Variants in LRRC4C observed in about 807,000 individuals in gnomAD.
LRRC4C encodes leucine rich repeat containing 4C.
LRRC4C carries 5 observed loss-of-function variants against 33.6 expected under a neutral mutation model. The observed-to-expected ratio is 0.15, with a 90% CI of 0.08 to 0.31. LRRC4C has a LOEUF of 0.31. Among genes scored for constraint, LRRC4C ranks in the 10% least tolerant of loss-of-function variants. The pLI is 1.00. For missense variants in LRRC4C, 560 were observed against 796.7 expected, an observed-to-expected ratio of 0.70 and a Z score of 3.58; for synonymous variants, 329 against 302.0, an observed-to-expected ratio of 1.09 and a Z score of -0.93.
At chr11:41,336,354 G>A (rs1951452579) in intron 1 of LRRC4C, among the ~76,000 whole-genome samples, 1 of 150,212 alleles carries the variant, frequency 6.7e-6, no homozygotes, top group Non-Finnish European at 1.5e-5. Flanking sequence ...ACACATAATT[G>A]TTTAAAAAAA....
intron 5 of LRRC4C, among the ~76,000 whole-genome samples, chr11:40,143,267 C>A (rs1383856913): frequency 1.3e-5 from 2 of 152,200 alleles, no homozygotes; most frequent in African/African-American, 2.4e-5. Context: ...TCTAATTTCT[C>A]CACATAGTGG....
At chr11:41,170,939 T>C (rs1446998647) in intron 1 of LRRC4C, among the ~76,000 whole-genome samples, 1 of 151,874 alleles carries the variant, frequency 6.6e-6, no homozygotes, top group Non-Finnish European at 1.5e-5. Context: ...AAAAAGTGGG[T>C]GAAGGATATG....
chr11:41,336,972 A>G (rs899006253), intron 1 of LRRC4C, among the ~76,000 whole-genome samples: 6 of 152,224 alleles, frequency 3.9e-5, no homozygotes, highest in Non-Finnish European at 8.8e-5. Context: ...AGGAGAAAAA[A>G]ATGACTATTC....
chr11:40,339,557 G>A (rs1278609206), intron 3 of LRRC4C, among the ~76,000 whole-genome samples: 1 of 152,176 alleles, frequency 6.6e-6, no homozygotes, highest in Non-Finnish European at 1.5e-5. Context: ...GCAGTACTTT[G>A]CATAAAGCTG....
Position 40,786,567 on chromosome 11 carries a change from T to C in LRRC4C, c.-406-138289A>G, listed in dbSNP as rs112215287. Among the ~76,000 whole-genome samples the C allele has an allele frequency of 1.8e-3, 275 of 152,284 alleles. 2 individuals carry two copies. The highest frequency in any genetic ancestry group is 6.5e-3 in the African/African-American group (272 of 41,564). On this transcript the variant is annotated intron_variant, in intron 2 of 6. Coordinates refer to ENST00000528697, the MANE Select transcript of LRRC4C (RefSeq NM_001258419.2). ...CCTCTGAGAGTTTTTTGATTGTTTG[T>C]TACACAGCAAAAGCTGATCGCTACT...
At chr11:40,937,951 C>T (rs1438954957) in intron 1 of LRRC4C, among the ~76,000 whole-genome samples, 1 of 152,038 alleles carries the variant, frequency 6.6e-6, no homozygotes, top group African/African-American at 2.4e-5. Flanking sequence ...GCTCCTGCAC[C>T]CAGCCTGCTC....
intron 3 of LRRC4C, among the ~76,000 whole-genome samples, chr11:40,480,303 C>T (rs1482134046): frequency 2.0e-5 from 3 of 150,756 alleles, no homozygotes; most frequent in African/African-American, 2.4e-5. Context: ...TTTTTTTAAT[C>T]TACTTTGAGC....
At chr11:41,360,344 T>TATG (rs1952310499) in intron 1 of LRRC4C, among the ~76,000 whole-genome samples, 1 of 152,040 alleles carries the variant, frequency 6.6e-6, no homozygotes, top group Admixed American at 6.5e-5. Flanking sequence ...TACCTACATC[T>TATG]ATGATTTATC....
At chr11:40,553,911 G>A (rs1370856800) in intron 3 of LRRC4C, among the ~76,000 whole-genome samples, 1 of 151,364 alleles carries the variant, frequency 6.6e-6, no homozygotes, top group East Asian at 1.9e-4. Context: ...TCTGTTGATA[G>A]TTTCTTTTTT....
At chr11:40,139,025 T>C (rs569490846) in intron 6 of LRRC4C, among the ~76,000 whole-genome samples, 1 of 152,346 alleles carries the variant, frequency 6.6e-6, no homozygotes, top group East Asian at 1.9e-4. Flanking sequence ...TACACTTAAG[T>C]ATTAGAGCCC....
chr11:40,926,982 G>A (rs765344936), intron 2 of LRRC4C, among the ~76,000 whole-genome samples: 4 of 152,156 alleles, frequency 2.6e-5, no homozygotes, highest in Non-Finnish European at 5.9e-5. Flanking sequence ...TCCAAAATGA[G>A]TATGCTGTTG....
chr11:40,668,534 C>A (rs1214014313), intron 2 of LRRC4C, among the ~76,000 whole-genome samples: 1 of 152,106 alleles, frequency 6.6e-6, no homozygotes, highest in East Asian at 1.9e-4. Flanking sequence ...GTCTCTAAAG[C>A]CAGAATTTTC....
intron 2 of LRRC4C, among the ~76,000 whole-genome samples, chr11:40,663,276 T>G (rs1433803646): frequency 6.6e-6 from 1 of 152,016 alleles, no homozygotes; most frequent in Non-Finnish European, 1.5e-5. Context: ...AGAGATGGGG[T>G]TTCGCCATGT....
At chr11:40,702,503 C>A (rs944184625) in intron 2 of LRRC4C, among the ~76,000 whole-genome samples, 9 of 151,954 alleles carry the variant, frequency 5.9e-5, no homozygotes, top group African/African-American at 1.9e-4. Flanking sequence ...TTTAATTATA[C>A]AAATTACATA....
At chr11:41,135,764 C>G (rs1399329592) in intron 1 of LRRC4C, among the ~76,000 whole-genome samples, 1 of 152,160 alleles carries the variant, frequency 6.6e-6, no homozygotes, top group Non-Finnish European at 1.5e-5. Context: ...CTTATAATTA[C>G]TGTGTAATGG....
At chr11:41,051,543 A>AAAAAAAAAAAAAAAAAG (rs1858219454) in intron 1 of LRRC4C, among the ~76,000 whole-genome samples, 2 of 108,132 alleles carry the variant, frequency 1.8e-5, no homozygotes, top group Non-Finnish European at 2.0e-5. Context: ...AAAAAAAAAA[A>AAAAAAAAAAAAAAAAAG]AAAAAAAAAA....
At chr11:40,659,609 G>C (rs1453944021) in intron 2 of LRRC4C, among the ~76,000 whole-genome samples, 1 of 152,174 alleles carries the variant, frequency 6.6e-6, no homozygotes. Context: ...CTATGGGAAG[G>C]AACTACCAAC....
At chr11:41,021,165 G>T (rs1855939387) in intron 1 of LRRC4C, among the ~76,000 whole-genome samples, 1 of 1,776 alleles carries the variant, frequency 5.6e-4, no homozygotes, top group African/African-American at 6.8e-4. Context: ...CTGAGAGAGA[G>T]AGAGAGAGAG....
chr11:40,730,044 G>A (rs893376001), intron 2 of LRRC4C, among the ~76,000 whole-genome samples: 1 of 151,568 alleles, frequency 6.6e-6, no homozygotes, highest in Non-Finnish European at 1.5e-5. Flanking sequence ...TCATAGGTGG[G>A]AATTGAACAG....
Sources: allele counts gnomAD v4.1 joint callset (sites outside exome capture counted in the v4.1 genomes callset), GRCh38; gene constraint gnomAD v4.1.1; transcripts MANE v1.5; gene names NCBI Gene and HGNC (gene_info 2026-07-23, HGNC 2026-07-21).